MARCHF6: variants seen among roughly 807,000 people sequenced by gnomAD.
MARCHF6 encodes the protein E3 ubiquitin-protein ligase MARCHF6.
A neutral mutation model predicts 133.7 loss-of-function variants in MARCHF6; 31 were observed. The ratio of observed to expected loss-of-function variants is 0.23; its 90% confidence interval spans 0.17 to 0.31. The LOEUF (loss-of-function observed/expected upper bound fraction) is 0.31, where lower values mean the gene tolerates loss of function less well. MARCHF6 is among the 10% of genes least tolerant of loss of function. MARCHF6 has a pLI of 1.00. For missense variants in MARCHF6, 723 were observed against 1,121.6 expected, an observed-to-expected ratio of 0.64 and a Z score of 5.08; for synonymous variants, 395 against 402.5, an observed-to-expected ratio of 0.98 and a Z score of 0.22.
chr5:10,359,180 T>A (rs78060549), intron 1 of MARCHF6, among the ~76,000 whole-genome samples: 5,575 of 152,288 alleles, frequency 0.037, 149 homozygotes, highest in Middle Eastern at 0.075. Flanking sequence ...GAGGTGCCAC[T>A]AAGTGATGCT....
In MARCHF6 at chr5:10,417,348, A is replaced by G. The variant is rs766008728; in HGVS notation, c.2227A>G (p.Ile743Val). 1.2e-6 allele frequency: 2 copies of G among 1,614,098 alleles called. No individual in the cohort carries two copies. Among genetic ancestry groups the G allele is most frequent in the Non-Finnish European group, 1.7e-6 (2 of 1,180,004 alleles). ...LLLGLLFELV[I>V]VAPLRVPLDQ... ...TCTGGGGCTCCTGTTTGAGCTGGTC[A>G]TTGTGGCTCCCCTGAGGGTTCCCTT... is the stretch of plus-strand genomic sequence containing the variant. The change falls in exon 22 of 26, where the codon ATT becomes GTT. Residue 743 changes from isoleucine (I) to valine (V), a missense_variant. Around this residue, in one of 4 missense-constraint regions of MARCHF6, gnomAD observed 492 missense variants for 699.5 expected, o/e 0.70. Coordinates refer to ENST00000274140, the MANE Select transcript of MARCHF6 (RefSeq NM_005885.4).
At chr5:10,358,745 TAGTG>T (rs1294490332) in intron 1 of MARCHF6, among the ~76,000 whole-genome samples, 5 of 152,136 alleles carry the variant, frequency 3.3e-5, no homozygotes, top group East Asian at 1.9e-4. Flanking sequence ...AGTCTAGAAA[TAGTG>T]AGAAAGTTAA....
intron 1 of MARCHF6, among the ~76,000 whole-genome samples, chr5:10,370,841 TTA>T: frequency 6.6e-6 from 1 of 152,328 alleles, no homozygotes; most frequent in South Asian, 2.1e-4. Flanking sequence ...TGGTTATTTT[TTA>T]TCTTTATATT....
At chr5:10,358,500 G>A (rs769369635) in intron 1 of MARCHF6, among the ~76,000 whole-genome samples, 6 of 152,016 alleles carry the variant, frequency 3.9e-5, no homozygotes, top group Admixed American at 1.3e-4. Context: ...AACATGTACA[G>A]CCTTTTTTTC....
At chr5:10,414,721 CTG>C (rs963315254) in intron 20 of MARCHF6, among the ~76,000 whole-genome samples, 2 of 152,290 alleles carry the variant, frequency 1.3e-5, no homozygotes, top group Non-Finnish European at 2.9e-5. Context: ...GGAAGACAAT[CTG>C]TGGAAAAAAT....
chr5:10,377,777 A>G (rs754874583), intron 1 of MARCHF6, 21 bp from the exon 2 acceptor site: 17 of 1,560,708 alleles, frequency 1.1e-5, no homozygotes, highest in African/African-American at 1.4e-5. Context: ...AGGAAATTCA[A>G]TTTTCCTTTT....
At position 10,436,469 on chromosome 5, in the gene MARCHF6, T is replaced by C. The variant is rs1402172717; in HGVS notation, c.*2785T>C. 1 of 152,186 alleles carries C rather than the reference T, an allele frequency of 6.6e-6. No homozygotes were observed. Among genetic ancestry groups the C allele is most frequent in the Non-Finnish European group, 1.5e-5 (1 of 68,028 alleles). The allele number at this position is 152,186 out of a possible 1,614,324, so 9.4% of individuals were successfully genotyped here. ...GAAAATGTTAGTATTGCTGCCCTTC[T>C]TCACATAAATTTTTTTTTAAATTAT... On this transcript the variant is annotated 3_prime_UTR_variant, in exon 26 of 26. Transcript: ENST00000274140.
chr5:10,420,954 A>G (rs1739791817), intron 22 of MARCHF6, among the ~76,000 whole-genome samples: 1 of 152,174 alleles, frequency 6.6e-6, no homozygotes, highest in Non-Finnish European at 1.5e-5. Context: ...TCCCTAACAT[A>G]AGCTGAAATC....
chr5:10,428,988 A>C (rs1051686033), intron 24 of MARCHF6, among the ~76,000 whole-genome samples: 2 of 152,110 alleles, frequency 1.3e-5, no homozygotes, highest in African/African-American at 2.4e-5. Context: ...ATGTTTTGTC[A>C]ACTCTGTTTT....
chr5:10,421,350 T>C (rs1490981998), intron 22 of MARCHF6, among the ~76,000 whole-genome samples: 1 of 152,184 alleles, frequency 6.6e-6, no homozygotes, highest in East Asian at 1.9e-4. Context: ...AGTAGAGATA[T>C]TTGTTTTGAT....
At chr5:10,420,096 A>G (rs577506859) in intron 22 of MARCHF6, among the ~76,000 whole-genome samples, 5 of 152,200 alleles carry the variant, frequency 3.3e-5, no homozygotes, top group African/African-American at 4.8e-5. Flanking sequence ...TGGAGCTCCT[A>G]TATGTGCCTG....
intron 23 of MARCHF6, among the ~76,000 whole-genome samples, chr5:10,425,184 T>C (rs1192174503): frequency 1.3e-5 from 2 of 152,170 alleles, no homozygotes; most frequent in African/African-American, 4.8e-5. Flanking sequence ...TTTTGATTCT[T>C]AGGAGTAGGG....
chr5:10,393,080 A>G (rs114573678), intron 7 of MARCHF6, among the ~76,000 whole-genome samples: 241 of 151,876 alleles, frequency 1.6e-3, no homozygotes, highest in African/African-American at 5.6e-3. Context: ...TTTTTGAGAC[A>G]AGGTTTTGCC....
intron 11 of MARCHF6, chr5:10,401,671 A>G (rs981471136): frequency 6.1e-5 from 14 of 228,278 alleles, no homozygotes; most frequent in Admixed American, 1.6e-4. Flanking sequence ...TGAGGTGGCT[A>G]GGATATTACC....
chr5:10,414,382 A>G lies in MARCHF6; in HGVS notation c.1897-51A>G. Reference sequence around the variant, plus strand: ...GATTGTGTTGATTCTTTGATAAAATACATTGAGCACGTGTTCTCTATTTAT... The same window carrying G: ...GATTGTGTTGATTCTTTGATAAAATGCATTGAGCACGTGTTCTCTATTTAT... On this transcript the variant is annotated intron_variant, in intron 19 of 25. Transcript: ENST00000274140. 4 of 988,222 alleles carry G rather than the reference A, an allele frequency of 4.0e-6. No homozygotes were observed. In the South Asian group the frequency reaches 4.3e-5, roughly 11 times the overall value. The allele number at this position is 988,222 out of a possible 1,614,324, so 61.2% of individuals were successfully genotyped here. A position where few individuals can be genotyped will look rare whatever the true frequency, so the allele number is the denominator to read the frequency against.
intron 6 of MARCHF6, 62 bp downstream of exon 6, chr5:10,390,562 C>T: frequency 6.9e-7 from 1 of 1,449,888 alleles, no homozygotes; most frequent in South Asian, 1.3e-5. Context: ...TTGTTTCTCT[C>T]TGAGACTCAA....
At chr5:10,360,018 G>T (rs1735716434) in intron 1 of MARCHF6, among the ~76,000 whole-genome samples, 1 of 151,600 alleles carries the variant, frequency 6.6e-6, no homozygotes, top group African/African-American at 2.4e-5. Flanking sequence ...AAAAAAAGTA[G>T]TACAATATGT....
intron 23 of MARCHF6, among the ~76,000 whole-genome samples, chr5:10,425,689 T>TG (rs1486763721): frequency 2.6e-5 from 4 of 152,232 alleles, no homozygotes; most frequent in Non-Finnish European, 5.9e-5. Flanking sequence ...TAAGTGCTGC[T>TG]GGTGAGGCAA....
Position 10,416,576 on chromosome 5 carries a change from A to T in MARCHF6, c.2149-694A>T, listed in dbSNP as rs549908548. On this transcript the variant is annotated intron_variant, in intron 21 of 25. Transcript: ENST00000274140. ...TAGAGAAACAAGTATTTTGTCTTCC[A>T]TACACATCATATTTAGTCTCTTGTT... Among the ~76,000 whole-genome samples, 515 of 152,334 alleles carry T rather than the reference A, an allele frequency of 3.4e-3. 5 individuals carry two copies. The highest frequency in any genetic ancestry group is 0.012 in the African/African-American group (492 of 41,566).
Sources: allele counts gnomAD v4.1 joint callset (sites outside exome capture counted in the v4.1 genomes callset), GRCh38; gene constraint gnomAD v4.1.1; regional missense constraint gnomAD v4.1.1; transcripts MANE v1.5; gene names NCBI Gene and HGNC (gene_info 2026-07-23, HGNC 2026-07-21).